The following CPED1 variants were observed in gnomAD, a reference collection of about 807,000 sequenced individuals.
CPED1 encodes cadherin like and PC-esterase domain containing 1, also known as cadherin-like and PC-esterase domain-containing protein 1.
In CPED1, 114 loss-of-function variants were observed where a neutral mutation model predicts 128.2. The ratio of observed to expected loss-of-function variants is 0.89; its 90% CI spans 0.76 to 1.04. The LOEUF (loss-of-function observed/expected upper bound fraction) is 1.04, where lower values mean the gene tolerates loss of function less well. CPED1 is among the 50% of genes least tolerant of loss of function. The pLI is 0.00. For synonymous variants in CPED1, 462 were observed against 426.7 expected (o/e 1.08, Z -1.02); for missense variants, 1,211 against 1,207.1 (o/e 1.00, Z -0.05).
intron 5 of CPED1, among the ~76,000 whole-genome samples, chr7:121,090,534 G>A (rs925036252): frequency 2.0e-5 from 3 of 152,174 alleles, no homozygotes; most frequent in African/African-American, 7.2e-5. Context: ...TGAATTATGA[G>A]TTGCCTATGT....
intron 3 of CPED1, among the ~76,000 whole-genome samples, chr7:121,030,518 G>A (rs1205004843): frequency 6.6e-6 from 1 of 152,156 alleles, no homozygotes; most frequent in Non-Finnish European, 1.5e-5. Context: ...ACATCTCCAT[G>A]CTGTAGATGC....
chr7:121,013,828 C>T (rs1298726748), intron 2 of CPED1, among the ~76,000 whole-genome samples: 1 of 152,144 alleles, frequency 6.6e-6, no homozygotes, highest in Non-Finnish European at 1.5e-5. Context: ...AACCCTGTTT[C>T]TTCTTTCTTT....
chr7:121,087,799 AC>A (rs1310691932), intron 5 of CPED1, among the ~76,000 whole-genome samples: 1 of 151,622 alleles, frequency 6.6e-6, no homozygotes, highest in Non-Finnish European at 1.5e-5. Context: ...AGCTGGGATT[AC>A]AGACGCCCAC....
chr7:121,286,546 C>A (rs899234485), intron 22 of CPED1, among the ~76,000 whole-genome samples: 1 of 152,120 alleles, frequency 6.6e-6, no homozygotes, highest in Non-Finnish European at 1.5e-5. Context: ...TTTCTCCTAC[C>A]CCTGGGAGAT....
intron 7 of CPED1, among the ~76,000 whole-genome samples, chr7:121,111,117 A>T (rs1795096627): frequency 6.6e-6 from 1 of 152,170 alleles, no homozygotes. Flanking sequence ...GTGGAGAGGC[A>T]CACAGGTTCC....
intron 22 of CPED1, among the ~76,000 whole-genome samples, chr7:121,293,553 G>GA (rs753131218): frequency 2.6e-5 from 4 of 151,832 alleles, no homozygotes; most frequent in Admixed American, 1.3e-4. Context: ...ACTGGGGTAT[G>GA]AAAAAAAAGC....
intron 5 of CPED1, among the ~76,000 whole-genome samples, chr7:121,094,651 A>G (rs1794656173): frequency 6.6e-6 from 1 of 152,132 alleles, no homozygotes; most frequent in East Asian, 1.9e-4. Context: ...TACATTCTGG[A>G]TTTTAGAAGG....
At chr7:121,047,646 TTTCTTCTTCTTC>T (rs201842531) in intron 4 of CPED1, among the ~76,000 whole-genome samples, 2,055 of 123,016 alleles carry the variant, frequency 0.017, 60 homozygotes, top group Middle Eastern at 0.027. Context: ...AGATAGCACC[TTTCTTCTTCTTC>T]TTCTTCTTCT....
intron 9 of CPED1, among the ~76,000 whole-genome samples, chr7:121,126,590 C>T (rs960896312): frequency 2.6e-5 from 4 of 152,040 alleles, no homozygotes; most frequent in African/African-American, 9.7e-5. Context: ...CTTTGTATAA[C>T]ATTTCTGTGT....
chr7:121,041,816 A>G (rs1357001285), intron 3 of CPED1, among the ~76,000 whole-genome samples: 1 of 152,218 alleles, frequency 6.6e-6, no homozygotes, highest in East Asian at 1.9e-4. Context: ...GATAAAAACT[A>G]TAGTCAGTGC....
chr7:121,241,979 T>C (rs1488006085), intron 17 of CPED1, among the ~76,000 whole-genome samples: 2 of 152,272 alleles, frequency 1.3e-5, no homozygotes, highest in South Asian at 2.1e-4. Flanking sequence ...CCCATCCCCA[T>C]TGATTCTGAT....
At position 121,083,677 on chromosome 7, in the gene CPED1, T is replaced by A. The variant is rs560039512; in HGVS notation, c.617-14022T>A. On this transcript the variant is annotated intron_variant, in intron 5 of 22. Coordinates refer to ENST00000310396, the MANE Select transcript of CPED1 (RefSeq NM_024913.5). ...TATGTGTAAATCCTGTCCTGACCAC[T>A]TGATATCCCAGTGTCCTTGGGCAAG... is the stretch of plus-strand genomic sequence containing the variant. 2.6e-5 allele frequency: 4 copies of A among 152,420 alleles called. No homozygotes were observed. In the South Asian group the frequency reaches 8.3e-4, roughly 32 times the overall value. The allele number at this position is 152,420 out of a possible 1,614,324, so 9.4% of individuals were successfully genotyped here.
At chr7:121,252,505 G>T (rs1798703569) in intron 18 of CPED1, among the ~76,000 whole-genome samples, 1 of 151,600 alleles carries the variant, frequency 6.6e-6, no homozygotes, top group African/African-American at 2.4e-5. Flanking sequence ...CACAGCAAAA[G>T]AAACTACCAT....
intron 13 of CPED1, among the ~76,000 whole-genome samples, chr7:121,134,979 G>A (rs1795753927): frequency 6.6e-6 from 1 of 151,760 alleles, no homozygotes; most frequent in Non-Finnish European, 1.5e-5. Context: ...TGCAATAAGA[G>A]TGGACTGGAC....
At chr7:121,200,673 A>G (rs969168188) in intron 16 of CPED1, among the ~76,000 whole-genome samples, 1 of 151,142 alleles carries the variant, frequency 6.6e-6, no homozygotes, top group Non-Finnish European at 1.5e-5. Context: ...AAAGAGTCTT[A>G]CTTACATTTT....
At chr7:121,100,918 CT>C (rs1794834986) in intron 7 of CPED1, among the ~76,000 whole-genome samples, 1 of 152,062 alleles carries the variant, frequency 6.6e-6, no homozygotes, top group African/African-American at 2.4e-5. Flanking sequence ...GAATTTATTT[CT>C]GCCATCTTAT....
chr7:121,226,210 C>T (rs1041241686), intron 16 of CPED1, among the ~76,000 whole-genome samples: 39 of 152,000 alleles, frequency 2.6e-4, no homozygotes, highest in African/African-American at 8.2e-4. Context: ...CGTTTCTGTT[C>T]GTTAGCTTTT....
intron 5 of CPED1, among the ~76,000 whole-genome samples, chr7:121,087,191 C>T (rs1794445355): frequency 6.6e-6 from 1 of 151,942 alleles, no homozygotes; most frequent in East Asian, 1.9e-4. Flanking sequence ...GGGAGGCAAA[C>T]AAAAAGGCAG....
At chr7:121,189,464 C>G (rs1349889848) in intron 16 of CPED1, among the ~76,000 whole-genome samples, 1 of 151,596 alleles carries the variant, frequency 6.6e-6, no homozygotes, top group Non-Finnish European at 1.5e-5. Flanking sequence ...CTCATGAGAA[C>G]CCACTATCAT....
Sources: gnomAD v4.1 joint callset for allele counts (sites outside exome capture counted in the v4.1 genomes callset) on GRCh38, gnomAD v4.1.1 for gene constraint, MANE v1.5 for transcripts, NCBI Gene and HGNC (gene_info 2026-07-23, HGNC 2026-07-21) for gene names.